Variants in SPATA17 observed in about 807,000 individuals in gnomAD.
The protein encoded by SPATA17 is spermatogenesis associated 17.
In SPATA17, 53 loss-of-function variants were observed where a neutral mutation model predicts 62.2. The observed-to-expected ratio is 0.85, with a 90% CI of 0.68 to 1.07. SPATA17 has a LOEUF of 1.07. Among genes scored for constraint, SPATA17 ranks in the 50% least tolerant of loss-of-function variants. The probability of loss-of-function intolerance (pLI) is 0.00; values close to 1 mark genes in which losing one functional copy is unlikely to be tolerated. For synonymous variants in SPATA17, 146 were observed against 146.8 expected, an observed-to-expected ratio of 0.99 and a Z score of 0.04; for missense variants, 466 against 425.5, an observed-to-expected ratio of 1.10 and a Z score of -0.84.
At chr1:217,758,747 AT>A (rs1673106051) in intron 6 of SPATA17, among the ~76,000 whole-genome samples, 1 of 152,234 alleles carries the variant, frequency 6.6e-6, no homozygotes, top group Non-Finnish European at 1.5e-5. Flanking sequence ...GAGACAATAG[AT>A]TAGGAAAGGT....
chr1:217,675,526 A>C (rs999123241), intron 4 of SPATA17, among the ~76,000 whole-genome samples: 7 of 152,164 alleles, frequency 4.6e-5, no homozygotes, highest in Non-Finnish European at 1.0e-4. Context: ...GTGGCTGCTA[A>C]TTTTTGAAAA....
chr1:217,723,888 C>T (rs1337817891), intron 5 of SPATA17, among the ~76,000 whole-genome samples: 1 of 152,218 alleles, frequency 6.6e-6, no homozygotes, highest in Non-Finnish European at 1.5e-5. Context: ...GCAGACACTT[C>T]CTCTCTGCAT....
At chr1:217,822,785 A>T (rs1306127358) in intron 9 of SPATA17, among the ~76,000 whole-genome samples, 1 of 149,814 alleles carries the variant, frequency 6.7e-6, no homozygotes, top group Non-Finnish European at 1.5e-5. Flanking sequence ...TCTGTTTTCT[A>T]TTTTTTTTAT....
At position 217,850,336 on chromosome 1, in the gene SPATA17, G is replaced by C. The variant is rs1675620204; in HGVS notation, c.1006-12438G>C. On this transcript the variant is annotated intron_variant, in intron 9 of 10. Coordinates refer to ENST00000366933, the MANE Select transcript of SPATA17 (RefSeq NM_138796.4). ...AAACTTGTAATTTCTAAACTTAAGT[G>C]GGGGCAGATGGCTATAGTGCAGTGT... 5.7e-6 allele frequency: 3 copies of C among 530,882 alleles called. No homozygotes were observed. The Admixed American group carries it at 9.9e-5, about 18-fold the overall frequency. 32.9% of individuals were successfully genotyped at this position (530,882 alleles called of 1,614,324 possible).
intron 8 of SPATA17, among the ~76,000 whole-genome samples, chr1:217,793,823 A>T (rs1307184742): frequency 1.3e-5 from 2 of 152,010 alleles, no homozygotes; most frequent in Non-Finnish European, 2.9e-5. Flanking sequence ...TTCAGTGAAA[A>T]CTGAAAAGGA....
In SPATA17 at chr1:217,742,060, C is replaced by T. The variant is rs1485278375; in HGVS notation, c.481C>T (p.Gln161Ter). 1.2e-6 allele frequency: 2 copies of T among 1,614,028 alleles called. No individual in the cohort carries two copies. The highest frequency in any genetic ancestry group is 1.6e-4 in the Middle Eastern group (1 of 6,062). Residue 161 changes from glutamine (Q) to a stop codon, truncating the protein, a stop_gained, in exon 6 of 11, where the codon CAA (glutamine) becomes TAA (stop). Coordinates refer to ENST00000366933, the MANE Select transcript of SPATA17 (RefSeq NM_138796.4). LOFTEE classifies it high-confidence loss of function. ...AAGGGAAGAGAAGAAAAGAGATTAC[C>T]AAGCCCGAAAGATGCATTACCTCCT... ...LEREEKKRDY[Q>*]ARKMHYLLST...
intron 7 of SPATA17, among the ~76,000 whole-genome samples, chr1:217,779,354 C>G (rs937111991): frequency 6.6e-6 from 1 of 151,766 alleles, no homozygotes; most frequent in African/African-American, 2.4e-5. Context: ...AATCTATTCT[C>G]TTTTCTTCGT....
chr1:217,680,203 T>C (rs1671046303), intron 4 of SPATA17, among the ~76,000 whole-genome samples: 1 of 152,208 alleles, frequency 6.6e-6, no homozygotes, highest in Admixed American at 6.5e-5. Context: ...AAAAGTATGC[T>C]GAAAGATTTG....
intron 9 of SPATA17, among the ~76,000 whole-genome samples, chr1:217,842,086 T>C (rs748147741): frequency 2.6e-4 from 40 of 151,990 alleles, no homozygotes; most frequent in Non-Finnish European, 5.3e-4. Flanking sequence ...GAGATGATCA[T>C]GTGATTACTT....
intron 1 of SPATA17, among the ~76,000 whole-genome samples, chr1:217,637,011 G>T (rs1033169227): frequency 4.6e-5 from 7 of 152,144 alleles, no homozygotes; most frequent in Non-Finnish European, 7.4e-5. Flanking sequence ...GAAACCAGTG[G>T]CTGAGGAAGA....
chr1:217,717,895 C>T (rs867470374), intron 5 of SPATA17, among the ~76,000 whole-genome samples: 2 of 147,426 alleles, frequency 1.4e-5, no homozygotes, highest in African/African-American at 5.1e-5. Context: ...AATGTGTGTC[C>T]GTTTAATAAG....
At chr1:217,726,237 A>G (rs941722890) in intron 5 of SPATA17, among the ~76,000 whole-genome samples, 3 of 152,170 alleles carry the variant, frequency 2.0e-5, no homozygotes, top group Admixed American at 6.5e-5. Context: ...ACCGCCTGTC[A>G]CTGTGGATAT....
chr1:217,712,933 C>G (rs1671912320), intron 5 of SPATA17, among the ~76,000 whole-genome samples: 1 of 152,090 alleles, frequency 6.6e-6, no homozygotes, highest in Non-Finnish European at 1.5e-5. Context: ...ACGTTCACTC[C>G]CCGAACCTTG....
At chr1:217,716,014 T>C (rs1671995207) in intron 5 of SPATA17, among the ~76,000 whole-genome samples, 1 of 152,164 alleles carries the variant, frequency 6.6e-6, no homozygotes, top group Admixed American at 6.5e-5. Context: ...ATTCAAAAGA[T>C]TTGAACATAA....
Position 217,790,283 on chromosome 1 carries a change from G to T in SPATA17, c.872+7961G>T, listed in dbSNP as rs537307765. Among the ~76,000 whole-genome samples the T allele has an allele frequency of 7.9e-5, 12 of 152,190 alleles. No individual in the cohort carries two copies. In the South Asian group the frequency reaches 2.1e-3, roughly 26 times the overall value. On this transcript the variant is annotated intron_variant, in intron 8 of 10. Transcript: ENST00000366933. Reference sequence around the variant, plus strand: ...TTTAGCTCCTACAGGGAAATAAATAGCTCTAGAACAAGTTACTTATTTACT... The same window carrying T: ...TTTAGCTCCTACAGGGAAATAAATATCTCTAGAACAAGTTACTTATTTACT...
intron 6 of SPATA17, among the ~76,000 whole-genome samples, chr1:217,770,932 AG>A (rs1276165099): frequency 1.4e-5 from 2 of 139,918 alleles, no homozygotes; most frequent in African/African-American, 5.2e-5. Context: ...GAGAGTCTGA[AG>A]GGGGGAATTC....
chr1:217,784,524 T>C (rs938630714), intron 8 of SPATA17, among the ~76,000 whole-genome samples: 1 of 152,164 alleles, frequency 6.6e-6, no homozygotes, highest in African/African-American at 2.4e-5. Flanking sequence ...AACAGCAGTA[T>C]AATCTTCGGT....
chr1:217,646,603 A>G (rs1387823415), intron 1 of SPATA17, among the ~76,000 whole-genome samples: 2 of 151,918 alleles, frequency 1.3e-5, no homozygotes, highest in Admixed American at 1.3e-4. Context: ...ATGGTTAAAA[A>G]CCCAGCCTCT....
chr1:217,639,522 T>A (rs1042425314), intron 1 of SPATA17, among the ~76,000 whole-genome samples: 1 of 152,076 alleles, frequency 6.6e-6, no homozygotes, highest in Non-Finnish European at 1.5e-5. Context: ...GAGACAACAA[T>A]GAGCAATTCT....
Sources: gnomAD v4.1 joint callset for allele counts (sites outside exome capture counted in the v4.1 genomes callset) on GRCh38, gnomAD v4.1.1 for gene constraint, MANE v1.5 for transcripts, NCBI Gene and HGNC (gene_info 2026-07-23, HGNC 2026-07-21) for gene names.